The following MYO7A variants were observed in gnomAD, a reference collection of about 807,000 sequenced individuals.
MYO7A encodes the protein unconventional myosin-VIIa.
A neutral mutation model predicts 263.8 loss-of-function variants in MYO7A; 210 were observed. That is an observed-to-expected ratio of 0.80 (90% CI 0.71 to 0.89). The LOEUF (loss-of-function observed/expected upper bound fraction) is 0.89. MYO7A is among the 40% of genes least tolerant of loss of function. The probability of loss-of-function intolerance (pLI) is 0.00; values close to 1 mark genes in which losing one functional copy is unlikely to be tolerated. For synonymous variants in MYO7A, 1,239 were observed against 1,197.3 expected, an observed-to-expected ratio of 1.03 and a Z score of -0.72; for missense variants, 2,820 against 2,968.3, an observed-to-expected ratio of 0.95 and a Z score of 1.16.
intron 27 of MYO7A, among the ~76,000 whole-genome samples, chr11:77,187,163 T>C (rs1555088927): frequency 1.3e-5 from 2 of 152,210 alleles, no homozygotes; most frequent in Non-Finnish European, 2.9e-5. Flanking sequence ...TAAAGATTAG[T>C]GATCACAGAT....
At chr11:77,180,778 G>A (rs1434666723) in intron 22 of MYO7A, among the ~76,000 whole-genome samples, 2 of 152,194 alleles carry the variant, frequency 1.3e-5, no homozygotes, top group African/African-American at 2.4e-5. Context: ...CGGCACGAGG[G>A]TGCTACACTG....
intron 15 of MYO7A, 24 bp from the exon 16 acceptor site, chr11:77,172,724 C>A: frequency 6.5e-7 from 1 of 1,548,650 alleles, no homozygotes; most frequent in South Asian, 1.2e-5. Context: ...CAGCCCCTCC[C>A]ATCGCTGCCG....
At chr11:77,160,893 C>T (rs1396931016) in intron 11 of MYO7A, 80 bp from the exon 12 acceptor site, 2 of 1,506,816 alleles carry the variant, frequency 1.3e-6, no homozygotes, top group Non-Finnish European at 1.8e-6. Flanking sequence ...GCTGGAGCGA[C>T]ACCACGAAGG....
Position 77,190,063 on chromosome 11 carries a change from C to G in MYO7A, c.3674C>G (p.Pro1225Arg), listed in dbSNP as rs772373370. ...CACGGGGGCCCGCCCGGCTACGCCC[C>G]GTACTGTGAGGAGCGCCTGAGAAGG... The part of the protein sequence containing the change: ...FIHGGPPGYA[P>R]YCEERLRRTF... Residue 1225 changes from proline to arginine, a missense_variant, in exon 29 of 49, where the codon CCG becomes CGG. By Grantham distance (103) the Pro-to-Arg change is moderately radical. Transcript: ENST00000409709. The G allele has an allele frequency of 6.3e-7, 1 of 1,574,910 alleles. No homozygotes were observed. Among genetic ancestry groups the G allele is most frequent in the Non-Finnish European group, 8.6e-7 (1 of 1,160,970 alleles).
rs117766151 is a variant in MYO7A, at chr11:77,181,745, C to T, written c.2904+156C>T. Among the ~76,000 whole-genome samples, 475 of 151,084 alleles carry T rather than the reference C, an allele frequency of 3.1e-3. 1 individual carries two copies. The highest frequency in any genetic ancestry group is 4.8e-3 in the Non-Finnish European group (328 of 67,862). On this transcript the variant is annotated intron_variant, in intron 23 of 48. Coordinates refer to ENST00000409709, the MANE Select transcript of MYO7A (RefSeq NM_000260.4). ...CCGGGCTGCAGGTCCCAGGTCCTGT[C>T]CCTCTCCAACGCCCTTCTCAAGTTT...
intron 19 of MYO7A, 23 bp from the exon 20 acceptor site, chr11:77,179,022 C>G (rs1303469343): frequency 1.5e-5 from 24 of 1,575,870 alleles, no homozygotes; most frequent in Non-Finnish European, 2.0e-5. Context: ...CACTGCTCAC[C>G]CGCGCCACTA....
chr11:77,134,379 T>G (rs1009429182), intron 2 of MYO7A, among the ~76,000 whole-genome samples: 1 of 152,360 alleles, frequency 6.6e-6, no homozygotes, highest in East Asian at 1.9e-4. Flanking sequence ...GTGTGCCAGT[T>G]AACATAGATT....
At chr11:77,166,268 T>G (rs1953535720) in intron 15 of MYO7A, 106 bp downstream of exon 15, 1 of 953,220 alleles carries the variant, frequency 1.0e-6, no homozygotes, top group South Asian at 1.4e-5. Context: ...CCTGGCCACA[T>G]AATGGGTATG....
At chr11:77,207,938 C>T (rs1411425555) in intron 42 of MYO7A, among the ~76,000 whole-genome samples, 1 of 152,188 alleles carries the variant, frequency 6.6e-6, no homozygotes, top group Non-Finnish European at 1.5e-5. Flanking sequence ...CAGCTAAAGA[C>T]CCCTCCACGG....
rs1313872997 is a variant in MYO7A at position 77,214,695 on chromosome 11, G to A, written c.6647G>A (p.Ter2216=). Reference sequence around the variant, plus strand: ...CAGCGGGGCTCCAGGAGCGGCAAGTGAACAGTCACGGGGAGGTGCTGGTTC... The same window carrying A: ...CAGCGGGGCTCCAGGAGCGGCAAGTAAACAGTCACGGGGAGGTGCTGGTTC... ...SKQRGSRSGK[*] Residue 2216 remains the stop codon, a stop_retained_variant, in exon 49 of 49, where the codon TGA becomes TAA. Coordinates refer to ENST00000409709, the MANE Select transcript of MYO7A (RefSeq NM_000260.4). 2 of 1,570,496 alleles carry A rather than the reference G, an allele frequency of 1.3e-6. No homozygotes were observed. The highest frequency in any genetic ancestry group is 1.7e-6 in the Non-Finnish European group (2 of 1,157,042).
chr11:77,182,385 T>A, intron 24 of MYO7A, 39 bp from the exon 25 acceptor site: 3 of 1,562,524 alleles, frequency 1.9e-6, no homozygotes, highest in East Asian at 2.3e-5. Flanking sequence ...TTTAGCAATG[T>A]CCTCCGCTCT....
At chr11:77,152,131 G>A (rs1952021937) in intron 4 of MYO7A, among the ~76,000 whole-genome samples, 1 of 152,252 alleles carries the variant, frequency 6.6e-6, no homozygotes, top group Non-Finnish European at 1.5e-5. Flanking sequence ...TTACTGGAGA[G>A]AATCTGCCTC....
At chr11:77,184,476 C>A in intron 26 of MYO7A, 112 bp from the exon 27 acceptor site, 1 of 890,526 alleles carries the variant, frequency 1.1e-6, no homozygotes, top group Non-Finnish European at 1.7e-6. Context: ...AGTTCTTCTG[C>A]TCACTCCTTA....
rs1555086078 is a variant in MYO7A, at chr11:77,183,183, C to A, written c.3375+26C>A. On this transcript the variant is annotated intron_variant, in intron 26 of 48. Transcript: ENST00000409709. ...GTGAGGGCAGACGCTGGGGGTCTGG[C>A]AGCCCAGGGGTGGCTGCCTTAGGTG... is the stretch of plus-strand genomic sequence containing the variant. 2.6e-6 allele frequency: 4 copies of A among 1,546,552 alleles called. No homozygotes were observed. In the South Asian group the frequency reaches 3.6e-5, roughly 14 times the overall value.
chr11:77,189,539 CA>C, intron 28 of MYO7A, 69 bp downstream of exon 28: 1 of 1,589,388 alleles, frequency 6.3e-7, no homozygotes, highest in Non-Finnish European at 8.6e-7. Context: ...GTGGGGAGAG[CA>C]ATAGCCAGGG....
intron 15 of MYO7A, 69 bp downstream of exon 15, chr11:77,166,231 C>T (rs1278810594): frequency 1.5e-6 from 2 of 1,339,068 alleles, no homozygotes; most frequent in African/African-American, 2.9e-5. Flanking sequence ...TAAGCCCTGC[C>T]CTTGTCCAAC....
rs974769698 is a variant in MYO7A, at chr11:77,205,453, C to T, written c.5481-9C>T. On this transcript the variant is annotated splice_polypyrimidine_tract_variant and intron_variant, in intron 39 of 48. Coordinates refer to ENST00000409709, the MANE Select transcript of MYO7A (RefSeq NM_000260.4). ...CTGCCCCTGCTGGAGCCCACGCCTC[C>T]TCCTGCAGGTACAGCGAGGAGCGGG... The T allele has an allele frequency of 3.2e-6, 5 of 1,558,706 alleles. No homozygotes were observed. Among genetic ancestry groups the T allele is most frequent in the Non-Finnish European group, 4.3e-6 (5 of 1,151,474 alleles).
rs1956759935 is a variant in MYO7A, at chr11:77,197,555, G to A, written c.4398G>A (p.Trp1466Ter). 1.2e-6 allele frequency: 2 copies of A among 1,606,984 alleles called. No individual in the cohort carries two copies. The highest frequency in any genetic ancestry group is 4.5e-5 in the East Asian group (2 of 44,720). Residue 1466 changes from tryptophan to a stop codon, truncating the protein, a stop_gained, in exon 33 of 49, where the codon TGG (tryptophan) becomes TGA (stop). Transcript: ENST00000409709. LOFTEE classifies it high-confidence loss of function. ...TGGTCAGTTATGCCCGCTTCAAGTG[G>A]CCCTTGCTCTTCTCCAGGTTTTATG... ...EDVVSYARFK[W>*]PLLFSRFYEA... is the part of the protein sequence containing the mutation.
intron 4 of MYO7A, among the ~76,000 whole-genome samples, chr11:77,153,901 A>G (rs2135790379): frequency 6.6e-6 from 1 of 152,308 alleles, no homozygotes; most frequent in East Asian, 1.9e-4. Context: ...GCTGCATGGC[A>G]TCAGCCTGTG....
Sources: allele counts gnomAD v4.1 joint callset (sites outside exome capture counted in the v4.1 genomes callset), GRCh38; gene constraint gnomAD v4.1.1; transcripts MANE v1.5; gene names NCBI Gene and HGNC (gene_info 2026-07-23, HGNC 2026-07-21).